The following IGSF23 variants were observed in gnomAD, a reference collection of about 807,000 sequenced individuals.
IGSF23 encodes immunoglobulin superfamily, member 23.
IGSF23 carries 14 observed loss-of-function variants against 17.8 expected under a neutral mutation model. The observed-to-expected ratio is 0.79, with a 90% confidence interval of 0.52 to 1.23. The LOEUF (loss-of-function observed/expected upper bound fraction) is 1.23. IGSF23 is among the 50% of genes most tolerant of loss of function. IGSF23 has a pLI of 0.00. For synonymous variants in IGSF23, 85 were observed against 92.5 expected (o/e 0.92, Z 0.46); for missense variants, 214 against 241.7 (o/e 0.89, Z 0.76).
At chr19:44,635,350 CTCTCTCTCTCTCTCTCTCTCTCTCTG>C (rs1972863854) in intron 3 of IGSF23, 25 bp from the exon 4 acceptor site, 2 of 125,460 alleles carry the variant, frequency 1.6e-5, no homozygotes, top group East Asian at 1.9e-4. Flanking sequence ...GATTCTTATT[CTCTCTCTCTCTCTCTCTCTCTCTCTG>C]TCTCTCTCTC....
In IGSF23 at chr19:44,635,384, C is replaced by T; in HGVS notation, c.546-17C>T. 6.5e-7 allele frequency: 1 copy of T among 1,536,586 alleles called. No individual in the cohort carries two copies. Among genetic ancestry groups the T allele is most frequent in the Non-Finnish European group, 8.8e-7 (1 of 1,136,480 alleles). ...TCTCTCTCTCTCTCTCTGTCTCTCT[C>T]TCTCTCTCCACTGCAGGACTGACAG... On this transcript the variant is annotated splice_polypyrimidine_tract_variant and intron_variant, in intron 3 of 4. Coordinates refer to ENST00000402988, the MANE Select transcript of IGSF23 (RefSeq NM_001205280.2).
intron 2 of IGSF23, among the ~76,000 whole-genome samples, chr19:44,624,293 T>C (rs9710491): frequency 9.3e-5 from 14 of 149,916 alleles, no homozygotes; most frequent in South Asian, 8.5e-4. Flanking sequence ...TCTTCTTCTT[T>C]TTTTTTTTTT....
intron 3 of IGSF23, among the ~76,000 whole-genome samples, chr19:44,627,842 C>G (rs941523342): frequency 6.6e-6 from 1 of 152,184 alleles, no homozygotes; most frequent in Admixed American, 6.5e-5. Flanking sequence ...AGCCACTCCC[C>G]TTCTCTGTGC....
chr19:44,617,929 C>T (rs1465455768), intron 1 of IGSF23: 3 of 361,624 alleles, frequency 8.3e-6, no homozygotes, highest in Non-Finnish European at 1.7e-5. Flanking sequence ...AACAACACAG[C>T]TCAGAGAAGT....
intron 3 of IGSF23, 98 bp downstream of exon 3, chr19:44,627,671 C>T (rs565397485): frequency 1.5e-6 from 2 of 1,347,374 alleles, no homozygotes; most frequent in Admixed American, 4.9e-5. Flanking sequence ...GAAACCAACA[C>T]CCCCATCAGG....
intron 1 of IGSF23, among the ~76,000 whole-genome samples, chr19:44,616,921 A>T (rs1972393912): frequency 6.6e-6 from 1 of 151,646 alleles, no homozygotes; most frequent in Non-Finnish European, 1.5e-5. Context: ...AGAGAGGGAG[A>T]AAGGTCTTGC....
Position 44,627,534 on chromosome 19 carries a change from T to C in IGSF23, c.506T>C (p.Leu169Pro). 6.4e-7 allele frequency: 1 copy of C among 1,550,488 alleles called. No homozygotes were observed. Among genetic ancestry groups the C allele is most frequent in the Non-Finnish European group, 8.7e-7 (1 of 1,146,928 alleles). The change falls in exon 3 of 5, where the codon CTG becomes CCG. Residue 169 changes from leucine (L) to proline (P), a missense_variant. By Grantham distance (98) the Leu-to-Pro change is moderately conservative. Transcript: ENST00000402988. Reference protein sequence around the residue: ...LAAGILGAGALIAGMCFIIIQ... With the variant: ...LAAGILGAGAPIAGMCFIIIQ... ...GCTGGGATCCTGGGAGCCGGGGCAC[T>C]GATTGCAGGCATGTGTTTCATCATC...
At chr19:44,632,937 G>T (rs901481972) in intron 3 of IGSF23, among the ~76,000 whole-genome samples, 1 of 152,188 alleles carries the variant, frequency 6.6e-6, no homozygotes, top group Non-Finnish European at 1.5e-5. Flanking sequence ...AATGAACCAC[G>T]TATGAAGAAT....
chr19:44,635,528 G>T, intron 4 of IGSF23, 63 bp downstream of exon 4: 1 of 1,163,994 alleles, frequency 8.6e-7, no homozygotes. Context: ...TTCTTGGGCA[G>T]AGACTCCATA....
intron 1 of IGSF23, chr19:44,617,974 G>A (rs1297126900): frequency 4.9e-6 from 2 of 410,428 alleles, no homozygotes; most frequent in Non-Finnish European, 1.0e-5. Flanking sequence ...GCAGAGAAGG[G>A]TAGAAAACCA....
intron 3 of IGSF23, among the ~76,000 whole-genome samples, chr19:44,629,064 T>C (rs1972713325): frequency 6.6e-6 from 1 of 151,984 alleles, no homozygotes; most frequent in Non-Finnish European, 1.5e-5. Context: ...GGCAGAGAAG[T>C]AACATGTGGG....
chr19:44,613,888 G>A (rs909376596), intron 1 of IGSF23, 118 bp downstream of exon 1: 8 of 1,548,874 alleles, frequency 5.2e-6, no homozygotes, highest in Non-Finnish European at 7.0e-6. Context: ...CATGTGTGAT[G>A]AGGAGACCTT....
chr19:44,623,224 C>T (rs949182483), intron 1 of IGSF23, among the ~76,000 whole-genome samples: 1 of 152,118 alleles, frequency 6.6e-6, no homozygotes, highest in African/African-American at 2.4e-5. Flanking sequence ...GGAAGTTAGG[C>T]AGAGAAGGCA....
chr19:44,617,468 A>G lies in IGSF23; in HGVS notation c.125+3698A>G, dbSNP rs142325410. ...AGTACATGAGGTAATGCATATGTTA[A>G]TTAGCTCAATTTAGCCATTCCACAA... On this transcript the variant is annotated intron_variant, in intron 1 of 4. Transcript: ENST00000402988. Among the ~76,000 whole-genome samples the G allele has an allele frequency of 2.9e-3, 444 of 152,314 alleles. 6 individuals are homozygous for G. Among genetic ancestry groups the G allele is most frequent in the African/African-American group, 9.8e-3 (406 of 41,564 alleles).
intron 3 of IGSF23, among the ~76,000 whole-genome samples, 198 bp downstream of exon 3, chr19:44,627,771 A>G (rs944735088): frequency 6.6e-6 from 1 of 152,116 alleles, no homozygotes; most frequent in Non-Finnish European, 1.5e-5. Context: ...AGGACACTAG[A>G]GCTGGGCTGT....
intron 1 of IGSF23, among the ~76,000 whole-genome samples, chr19:44,618,870 G>A (rs185632354): frequency 6.6e-6 from 1 of 152,114 alleles, no homozygotes; most frequent in African/African-American, 2.4e-5. Context: ...GAAGGAAAAA[G>A]GCCCCACCTC....
At chr19:44,624,197 T>C (rs574385496) in intron 2 of IGSF23, among the ~76,000 whole-genome samples, 61 of 152,046 alleles carry the variant, frequency 4.0e-4, no homozygotes, top group African/African-American at 1.4e-3. Context: ...TTTTCTTTCT[T>C]CTTCTTTTTC....
rs1432007419 is a variant in IGSF23 at position 44,627,526 on chromosome 19, C to T, written c.498C>T (p.Ala166=). 21 of 1,550,382 alleles carry T rather than the reference C, an allele frequency of 1.4e-5. No individual in the cohort carries two copies. In the South Asian group the frequency reaches 1.4e-4, roughly 11 times the overall value. ...IGLLAAGILG[A]GALIAGMCFI... ...TCCTTGCGGCTGGGATCCTGGGAGCCGGGGCACTGATTGCAGGCATGTGTT... is the reference window on the plus strand; with the variant it reads ...TCCTTGCGGCTGGGATCCTGGGAGCTGGGGCACTGATTGCAGGCATGTGTT... Residue 166 remains alanine (A), a synonymous_variant, in exon 3 of 5, where the codon GCC becomes GCT. Coordinates refer to ENST00000402988, the MANE Select transcript of IGSF23 (RefSeq NM_001205280.2).
At chr19:44,616,712 G>A (rs1314839005) in intron 1 of IGSF23, among the ~76,000 whole-genome samples, 27 of 107,100 alleles carry the variant, frequency 2.5e-4, no homozygotes, top group East Asian at 3.3e-4. Flanking sequence ...AAAAAAAAAA[G>A]AAGAAGGAAA....
Sources: gnomAD v4.1 joint callset for allele counts (sites outside exome capture counted in the v4.1 genomes callset) on GRCh38, gnomAD v4.1.1 for gene constraint, MANE v1.5 for transcripts, NCBI Gene and HGNC (gene_info 2026-07-23, HGNC 2026-07-21) for gene names.